The following NUP88 variants were observed in gnomAD, a reference collection of about 807,000 sequenced individuals.
The protein encoded by NUP88 is nucleoporin 88.
A neutral mutation model predicts 93.9 loss-of-function variants in NUP88; 57 were observed. That is an observed-to-expected ratio of 0.61 (90% confidence interval 0.49 to 0.76). NUP88 has a LOEUF of 0.76. Among genes scored for constraint, NUP88 ranks in the 30% least tolerant of loss-of-function variants. The pLI, the probability that NUP88 is intolerant of heterozygous loss-of-function variation, is 0.00. For missense variants in NUP88, 911 were observed against 901.0 expected, an observed-to-expected ratio of 1.01 and a Z score of -0.14; for synonymous variants, 346 against 336.8, an observed-to-expected ratio of 1.03 and a Z score of -0.30.
At chr17:5,410,622 A>G (rs1913780142) in intron 4 of NUP88, 81 bp downstream of exon 4, 7 of 832,914 alleles carry the variant, frequency 8.4e-6, no homozygotes, top group Non-Finnish European at 1.4e-5. Flanking sequence ...CCTCTGAAAA[A>G]CCTTGCAACC....
At chr17:5,403,622 T>C (rs1436165842) in intron 7 of NUP88, among the ~76,000 whole-genome samples, 1 of 151,974 alleles carries the variant, frequency 6.6e-6, no homozygotes, top group African/African-American at 2.4e-5. Flanking sequence ...ATTGCGCCAT[T>C]AGACTCCAGC....
chr17:5,400,066 G>A, intron 7 of NUP88, among the ~76,000 whole-genome samples: 1 of 113,592 alleles, frequency 8.8e-6, no homozygotes, highest in East Asian at 7.5e-4. Context: ...TGCTGACACA[G>A]AGACAGCACG....
chr17:5,388,848 T>A lies in NUP88; in HGVS notation c.1597A>T (p.Ile533Phe). The A allele has an allele frequency of 6.2e-7, 1 of 1,614,132 alleles. No homozygotes were observed. The highest frequency in any genetic ancestry group is 8.5e-7 in the Non-Finnish European group (1 of 1,179,994). ...AETPDSFEKH[I>F]RSILQRSVAN... ...ACACTACGTTGCAAAATGCTTCTAA[T>A]ATGCTTTTCAAAGGAATCTGGGGTT... The change falls in exon 11 of 17, where the codon ATT becomes TTT. Residue 533 changes from isoleucine (I) to phenylalanine (F), a missense_variant. By Grantham distance (21) the Ile-to-Phe change is conservative. Coordinates refer to ENST00000573584, the MANE Select transcript of NUP88 (RefSeq NM_002532.6).
intron 7 of NUP88, among the ~76,000 whole-genome samples, chr17:5,403,410 G>C (rs2151641837): frequency 6.6e-6 from 1 of 152,324 alleles, no homozygotes. Flanking sequence ...CCAGGAGGCG[G>C]AGGTTGCAGT....
intron 8 of NUP88, among the ~76,000 whole-genome samples, chr17:5,397,100 G>C (rs1567569097): frequency 6.6e-6 from 1 of 152,118 alleles, no homozygotes; most frequent in Non-Finnish European, 1.5e-5. Flanking sequence ...AGCACTTTGG[G>C]AGGCTGAGGT....
rs9905029 is a variant in NUP88 at position 5,410,940 on chromosome 17, C to G, written c.594-151G>C. 8.6e-3 allele frequency: 5,349 copies of G among 618,552 alleles called. 213 individuals are homozygous for G. Among genetic ancestry groups the G allele is most frequent in the African/African-American group, 0.086 (4,684 of 54,336 alleles). 38.3% of individuals were successfully genotyped at this position (618,552 alleles called of 1,614,324 possible). A position where few individuals can be genotyped will look rare whatever the true frequency, so the allele number is the denominator to read the frequency against. ...AAAAATCTTGCTGTTGCAAAGTAGT[C>G]TAGTTCATTTATTCTTTAACTACAT... On this transcript the variant is annotated intron_variant, in intron 3 of 16. Coordinates refer to ENST00000573584, the MANE Select transcript of NUP88 (RefSeq NM_002532.6).
At chr17:5,403,019 C>A (rs1913261824) in intron 7 of NUP88, among the ~76,000 whole-genome samples, 1 of 152,098 alleles carries the variant, frequency 6.6e-6, no homozygotes, top group Admixed American at 6.6e-5. Flanking sequence ...AAATGGTATT[C>A]CACTGTGTAT....
intron 2 of NUP88, among the ~76,000 whole-genome samples, chr17:5,416,167 GTA>G (rs377002927): frequency 6.3e-5 from 3 of 47,852 alleles, no homozygotes; most frequent in African/African-American, 8.4e-5. Context: ...AAAAAAAAAA[GTA>G]TATATATATA....
chr17:5,395,534 C>CT (rs113574323), intron 8 of NUP88, among the ~76,000 whole-genome samples: 63,340 of 149,230 alleles, frequency 0.42, 13,934 homozygotes, highest in East Asian at 0.82. Flanking sequence ...TTTATAACAG[C>CT]TTTATTTTTT....
chr17:5,392,937 A>G (rs1254635877), intron 9 of NUP88, among the ~76,000 whole-genome samples: 2 of 151,146 alleles, frequency 1.3e-5, no homozygotes, highest in Admixed American at 1.3e-4. Context: ...CCACAGGTAC[A>G]TGCTACCACA....
chr17:5,402,983 A>G (rs928658894), intron 7 of NUP88, among the ~76,000 whole-genome samples: 1 of 152,140 alleles, frequency 6.6e-6, no homozygotes, highest in African/African-American at 2.4e-5. Context: ...CAGTGAGATC[A>G]TATCACACAC....
At chr17:5,419,264 C>A (rs1346614721) in intron 1 of NUP88, 90 bp downstream of exon 1, 21 of 1,394,440 alleles carry the variant, frequency 1.5e-5, no homozygotes, top group African/African-American at 2.9e-5. Flanking sequence ...ACGCCTGCCA[C>A]AAGATGAAAA....
intron 9 of NUP88, among the ~76,000 whole-genome samples, chr17:5,392,654 C>G (rs906812659): frequency 2.6e-5 from 4 of 152,262 alleles, no homozygotes; most frequent in Admixed American, 1.3e-4. Context: ...CATAGCCTTT[C>G]ACTCCCCAGA....
chr17:5,396,381 A>G (rs1912777149), intron 8 of NUP88, among the ~76,000 whole-genome samples: 1 of 152,206 alleles, frequency 6.6e-6, no homozygotes, highest in Non-Finnish European at 1.5e-5. Flanking sequence ...CATCTCATAT[A>G]AACAGCCATA....
At chr17:5,401,706 C>T (rs989576122) in intron 7 of NUP88, among the ~76,000 whole-genome samples, 4 of 152,134 alleles carry the variant, frequency 2.6e-5, no homozygotes, top group Admixed American at 6.5e-5. Flanking sequence ...TTTTCATTTG[C>T]GTATGTTTTA....
At chr17:5,414,359 C>A (rs1328053613) in intron 2 of NUP88, among the ~76,000 whole-genome samples, 1 of 152,000 alleles carries the variant, frequency 6.6e-6, no homozygotes, top group Non-Finnish European at 1.5e-5. Context: ...CCTCGCCCAG[C>A]GAACTTTGTA....
intron 2 of NUP88, among the ~76,000 whole-genome samples, chr17:5,416,180 T>TATATATACACACAC (rs1374990658): frequency 9.3e-6 from 1 of 107,338 alleles, no homozygotes; most frequent in African/African-American, 3.6e-5. Context: ...TATATATATA[T>TATATATACACACAC]ACACACATAC....
At position 5,385,957 on chromosome 17, in the gene NUP88, G is replaced by C. The variant is rs1911923792; in HGVS notation, c.*249C>G. Reference sequence around the variant, plus strand: ...CTCAATAGGGTTCAGGGAGGTTCTGGCAGTGTGCAGTGTGAAATAATCCTG... The same window carrying C: ...CTCAATAGGGTTCAGGGAGGTTCTGCCAGTGTGCAGTGTGAAATAATCCTG... On this transcript the variant is annotated 3_prime_UTR_variant, in exon 17 of 17. Transcript: ENST00000573584. The C allele has an allele frequency of 2.3e-6, 1 of 437,132 alleles. No individual in the cohort carries two copies. Among genetic ancestry groups the C allele is most frequent in the Non-Finnish European group, 4.0e-6 (1 of 249,238 alleles). 27.1% of individuals were successfully genotyped at this position (437,132 alleles called of 1,614,324 possible). A position where few individuals can be genotyped will look rare whatever the true frequency, so the allele number is the denominator to read the frequency against.
chr17:5,406,925 T>C (rs931986354), intron 5 of NUP88, among the ~76,000 whole-genome samples: 6 of 152,032 alleles, frequency 3.9e-5, no homozygotes, highest in African/African-American at 1.4e-4. Flanking sequence ...AATCACAAAA[T>C]CAATAGAAAT....
Sources: allele counts gnomAD v4.1 joint callset (sites outside exome capture counted in the v4.1 genomes callset), GRCh38; gene constraint gnomAD v4.1.1; transcripts MANE v1.5; gene names NCBI Gene and HGNC (gene_info 2026-07-23, HGNC 2026-07-21).